The following CAMTA1 variants were observed in gnomAD, a reference collection of about 807,000 sequenced individuals.
CAMTA1 encodes calmodulin-binding transcription activator 1.
CAMTA1 carries 27 observed loss-of-function variants against 170.9 expected under a neutral mutation model. The observed-to-expected ratio is 0.16, with a 90% CI of 0.12 to 0.22. The LOEUF (loss-of-function observed/expected upper bound fraction) is 0.22. CAMTA1 is among the 10% of genes least tolerant of loss of function. CAMTA1 has a pLI of 1.00. For missense variants in CAMTA1, 1,619 were observed against 2,217.2 expected, an observed-to-expected ratio of 0.73 and a Z score of 5.42; for synonymous variants, 833 against 891.5, an observed-to-expected ratio of 0.93 and a Z score of 1.17.
intron 4 of CAMTA1, among the ~76,000 whole-genome samples, chr1:7,165,755 T>G (rs554308263): frequency 3.3e-5 from 5 of 152,234 alleles, no homozygotes; most frequent in Admixed American, 1.3e-4. Flanking sequence ...CCAAAGTATT[T>G]GCAATACTTT....
At chr1:7,694,997 C>G (rs2096359514) in intron 11 of CAMTA1, among the ~76,000 whole-genome samples, 1 of 152,198 alleles carries the variant, frequency 6.6e-6, no homozygotes, top group Non-Finnish European at 1.5e-5. Flanking sequence ...CAGTGTAATT[C>G]CTGAGGCATA....
At chr1:6,924,583 A>G (rs946498799) in intron 3 of CAMTA1, among the ~76,000 whole-genome samples, 12 of 152,190 alleles carry the variant, frequency 7.9e-5, no homozygotes, top group Admixed American at 7.9e-4. Flanking sequence ...CCCTGTGAGG[A>G]GGAAATATAT....
rs945450968 is a variant in CAMTA1, at chr1:7,585,709, G to A, written c.511-54691G>A. Among the ~76,000 whole-genome samples, 9 of 150,964 alleles carry A rather than the reference G, an allele frequency of 6.0e-5. No homozygotes were observed. Among genetic ancestry groups the A allele is most frequent in the Non-Finnish European group, 1.0e-4 (7 of 68,004 alleles). On this transcript the variant is annotated intron_variant, in intron 6 of 22. Coordinates refer to ENST00000303635, the MANE Select transcript of CAMTA1 (RefSeq NM_015215.4). The surrounding 1 kb of genome is among the most constrained non-coding windows in gnomAD (Gnocchi z 4.8). ...TAGCCTCAAGGGGCAGGAGGGGAAT[G>A]GCCAGGATGCGGGGTGCCCAGTTCA...
intron 1 of CAMTA1, among the ~76,000 whole-genome samples, chr1:6,809,857 A>G (rs1644966267): frequency 6.6e-6 from 1 of 152,084 alleles, no homozygotes; most frequent in South Asian, 2.1e-4. Context: ...AGTTGAGTAG[A>G]CTGAAGACTA....
At chr1:6,906,168 C>T (rs1047991507) in intron 3 of CAMTA1, among the ~76,000 whole-genome samples, 9 of 83,284 alleles carry the variant, frequency 1.1e-4, no homozygotes, top group Non-Finnish European at 1.8e-4. Flanking sequence ...TTCCCTCTTT[C>T]GTGTCATGTC....
At position 7,500,181 on chromosome 1, in the gene CAMTA1, G is replaced by A. The variant is rs547167489; in HGVS notation, c.510+32280G>A. 4.1e-5 allele frequency among the ~76,000 whole-genome samples: 6 copies of A among 147,210 alleles called. No homozygotes were observed. The East Asian group carries it at 1.2e-3, about 30-fold the overall frequency. ...GTGTGTACATGAGTGAGTGTGTAGA[G>A]AGGATGGTGTGAGCCTGGTGTGCGT... On this transcript the variant is annotated intron_variant, in intron 6 of 22. Transcript: ENST00000303635.
intron 3 of CAMTA1, among the ~76,000 whole-genome samples, chr1:7,070,396 T>C (rs1167336104): frequency 2.6e-5 from 4 of 152,234 alleles, no homozygotes; most frequent in Non-Finnish European, 4.4e-5. Context: ...TAAATCATTT[T>C]TCATTCAGTT....
At chr1:7,021,075 C>CG (rs1557983350) in intron 3 of CAMTA1, among the ~76,000 whole-genome samples, 3 of 152,190 alleles carry the variant, frequency 2.0e-5, no homozygotes, top group Non-Finnish European at 2.9e-5. Context: ...GGGACCTGCC[C>CG]GGGGGCTCCA....
chr1:7,451,909 A>G (rs2149464808), intron 5 of CAMTA1, among the ~76,000 whole-genome samples: 1 of 152,328 alleles, frequency 6.6e-6, no homozygotes, highest in African/African-American at 2.4e-5. Flanking sequence ...ATGAAAGGTC[A>G]AGTTCATGCC....
chr1:7,349,084 A>G (rs907555138), intron 5 of CAMTA1, among the ~76,000 whole-genome samples: 4 of 152,134 alleles, frequency 2.6e-5, no homozygotes, highest in Non-Finnish European at 5.9e-5. Flanking sequence ...TCCCCGTGCT[A>G]TGGGCTTAAG....
intron 4 of CAMTA1, chr1:7,219,572 A>AG (rs1660372556): frequency 1.7e-5 from 2 of 116,590 alleles, no homozygotes; most frequent in South Asian, 6.3e-4. Flanking sequence ...AAAAAAAAAA[A>AG]GGAGACACAC....
At position 7,300,077 on chromosome 1, in the gene CAMTA1, C is replaced by T. The variant is rs1357824724; in HGVS notation, c.438+50451C>T. On this transcript the variant is annotated intron_variant, in intron 5 of 22. Coordinates refer to ENST00000303635, the MANE Select transcript of CAMTA1 (RefSeq NM_015215.4). This position sits in a 1 kb window ranked among gnomAD's most constrained non-coding sequence, Gnocchi z 4.1. ...GCTTGCTGTCTGTTTATTTTAGAATCAAGCAGCTTCTGTATAATTTGAATT... is the reference window on the plus strand; with the variant it reads ...GCTTGCTGTCTGTTTATTTTAGAATTAAGCAGCTTCTGTATAATTTGAATT... Among the ~76,000 whole-genome samples the T allele has an allele frequency of 3.9e-5, 6 of 152,160 alleles. No homozygotes were observed. Among genetic ancestry groups the T allele is most frequent in the African/African-American group, 1.4e-4 (6 of 41,432 alleles).
chr1:7,648,152 G>A (rs1051398120), intron 7 of CAMTA1, among the ~76,000 whole-genome samples: 18 of 152,166 alleles, frequency 1.2e-4, no homozygotes, highest in African/African-American at 4.1e-4. Context: ...CCAGCACTTC[G>A]GGAGGCTGAG....
At chr1:7,704,551 T>G (rs1223450648) in intron 11 of CAMTA1, among the ~76,000 whole-genome samples, 1 of 147,918 alleles carries the variant, frequency 6.8e-6, no homozygotes, top group African/African-American at 2.4e-5. Flanking sequence ...CGGGCGCAGT[T>G]CCGGCGCAGT....
At chr1:7,182,794 A>T (rs142440381) in intron 4 of CAMTA1, among the ~76,000 whole-genome samples, 6 of 152,232 alleles carry the variant, frequency 3.9e-5, no homozygotes, top group Non-Finnish European at 7.3e-5. Context: ...AAGATAATTC[A>T]CATCAAGGAT....
Position 7,251,843 on chromosome 1 carries a change from G to A in CAMTA1, c.438+2217G>A, listed in dbSNP as rs6658902. Among the ~76,000 whole-genome samples, 1,071 of 152,162 alleles carry A rather than the reference G, an allele frequency of 7.0e-3. 12 individuals carry two copies. Among genetic ancestry groups the A allele is most frequent in the African/African-American group, 0.025 (1,024 of 41,514 alleles). On this transcript the variant is annotated intron_variant, in intron 5 of 22. Coordinates refer to ENST00000303635, the MANE Select transcript of CAMTA1 (RefSeq NM_015215.4). The surrounding 1 kb of genome is among the most constrained non-coding windows in gnomAD (Gnocchi z 5.1). The stretch of plus-strand genomic sequence containing the variant: ...GGATACAAGCTGAGCCCTTAAAGTC[G>A]GGTGGGACTCTGTGTGTGTGTATAT...
At chr1:7,310,990 C>A (rs1005307715) in intron 5 of CAMTA1, among the ~76,000 whole-genome samples, 6 of 152,112 alleles carry the variant, frequency 3.9e-5, no homozygotes, top group African/African-American at 1.4e-4. Context: ...CTAAGCCTCC[C>A]AAACTGCTGG....
At chr1:7,573,161 T>C (rs1368127413) in intron 6 of CAMTA1, among the ~76,000 whole-genome samples, 1 of 152,284 alleles carries the variant, frequency 6.6e-6, no homozygotes, top group South Asian at 2.1e-4. Flanking sequence ...TAAGGATCGA[T>C]GGAAACTGGG....
At chr1:7,507,155 C>T (rs2094130193) in intron 6 of CAMTA1, among the ~76,000 whole-genome samples, 1 of 151,256 alleles carries the variant, frequency 6.6e-6, no homozygotes, top group Non-Finnish European at 1.5e-5. Context: ...CACTCCCACA[C>T]TCACACAACA....
Sources: gnomAD v4.1 joint callset for allele counts (sites outside exome capture counted in the v4.1 genomes callset) on GRCh38, gnomAD v4.1.1 for gene constraint, Gnocchi (gnomAD v3.1) non-coding constraint, MANE v1.5 for transcripts, NCBI Gene and HGNC (gene_info 2026-07-23, HGNC 2026-07-21) for gene names.